The following NBAS variants were observed in gnomAD, a reference collection of about 807,000 sequenced individuals.
NBAS encodes the protein NAG/BC035112 fusion.
Under a neutral mutation model 302.5 loss-of-function variants are expected in NBAS, and 219 were observed. That is an observed-to-expected ratio of 0.72 (90% CI 0.65 to 0.81). The LOEUF (loss-of-function observed/expected upper bound fraction) is 0.81, where lower values mean the gene tolerates loss of function less well. Among genes scored for constraint, NBAS ranks in the 30% least tolerant of loss-of-function variants. The probability of loss-of-function intolerance (pLI) is 0.00; values close to 1 mark genes in which losing one functional copy is unlikely to be tolerated. For missense variants in NBAS, 2,932 were observed against 2,841.6 expected, an observed-to-expected ratio of 1.03 and a Z score of -0.72; for synonymous variants, 1,118 against 1,021.6, an observed-to-expected ratio of 1.09 and a Z score of -1.80.
chr2:15,316,671 G>A (rs1009018004), intron 38 of NBAS, among the ~76,000 whole-genome samples: 2 of 152,234 alleles, frequency 1.3e-5, no homozygotes, highest in Non-Finnish European at 2.9e-5. Context: ...CTGGCTGGGG[G>A]AGGGGTGTCG....
At chr2:15,124,844 A>G in the NBAS span, among the ~76,000 whole-genome samples, 20,706 of 152,102 alleles carry the variant, frequency 0.14, 2,651 homozygotes, top group African/African-American at 0.32. Flanking sequence ...CTAGATTTCA[A>G]AGGACGTATC....
At chr2:15,534,482 T>C in intron 9 of NBAS, 61 bp downstream of exon 9, 1 of 1,198,128 alleles carries the variant, frequency 8.3e-7, no homozygotes, top group East Asian at 2.3e-5. Flanking sequence ...TAGTTTCTTC[T>C]ATCTGAATCT....
At chr2:14,810,099 A>T in the NBAS span, among the ~76,000 whole-genome samples, 8 of 152,222 alleles carry the variant, frequency 5.3e-5, no homozygotes, top group African/African-American at 1.9e-4. Flanking sequence ...ATAGGCTCAT[A>T]GGCAGAAGAG....
the NBAS span, among the ~76,000 whole-genome samples, chr2:14,870,063 T>C: frequency 1.2e-3 from 177 of 152,316 alleles, no homozygotes; most frequent in African/African-American, 4.1e-3. Flanking sequence ...TTTTCAAACA[T>C]TGGTCAACAG....
chr2:14,845,755 T>C, the NBAS span, among the ~76,000 whole-genome samples: 1 of 152,154 alleles, frequency 6.6e-6, no homozygotes. Context: ...AGTTAGAACA[T>C]ACAATTCACA....
At chr2:15,212,903 G>A (rs1022055862) in intron 48 of NBAS, among the ~76,000 whole-genome samples, 2 of 152,120 alleles carry the variant, frequency 1.3e-5, no homozygotes, top group Non-Finnish European at 2.9e-5. Flanking sequence ...CCAGTTGCGG[G>A]CAGCTCTTTA....
At chr2:14,849,039 G>A in the NBAS span, among the ~76,000 whole-genome samples, 8 of 151,260 alleles carry the variant, frequency 5.3e-5, no homozygotes, top group East Asian at 1.9e-4. Flanking sequence ...CCAAAGGAAC[G>A]CAGTTCCTCA....
At chr2:14,885,008 G>A in the NBAS span, among the ~76,000 whole-genome samples, 111 of 152,308 alleles carry the variant, frequency 7.3e-4, no homozygotes, top group African/African-American at 2.7e-3. Context: ...GGCCAGAGAA[G>A]AGGCTGAGTC....
At chr2:15,074,063 A>G in the NBAS span, among the ~76,000 whole-genome samples, 1 of 152,206 alleles carries the variant, frequency 6.6e-6, no homozygotes, top group East Asian at 1.9e-4. Context: ...AAAATATGTT[A>G]TAAAGTTACA....
chr2:15,457,513 G>A (rs1301047462), intron 21 of NBAS, among the ~76,000 whole-genome samples: 1 of 152,196 alleles, frequency 6.6e-6, no homozygotes, highest in Non-Finnish European at 1.5e-5. Flanking sequence ...TACTTATTTA[G>A]GGTATGTTTA....
chr2:15,034,298 AAG>A, the NBAS span, among the ~76,000 whole-genome samples: 1 of 132,784 alleles, frequency 7.5e-6, no homozygotes, highest in South Asian at 2.5e-4. Flanking sequence ...GAAAGAAAGA[AAG>A]AAAGATGGAG....
At chr2:15,095,355 C>T in the NBAS span, among the ~76,000 whole-genome samples, 2 of 152,286 alleles carry the variant, frequency 1.3e-5, no homozygotes, top group South Asian at 2.1e-4. Context: ...AGGAGAAAGG[C>T]AGGCTTTACA....
intron 9 of NBAS, among the ~76,000 whole-genome samples, chr2:15,531,220 A>G (rs930728559): frequency 6.6e-6 from 1 of 152,200 alleles, no homozygotes; most frequent in South Asian, 2.1e-4. Flanking sequence ...CCAAGAAAGA[A>G]AAAAACAAAT....
intron 40 of NBAS, among the ~76,000 whole-genome samples, chr2:15,295,124 C>T (rs1670488439): frequency 6.6e-6 from 1 of 152,224 alleles, no homozygotes; most frequent in African/African-American, 2.4e-5. Flanking sequence ...GAGTGGCCTA[C>T]ACTTCTCATT....
chr2:15,308,718 G>C (rs185504171), intron 39 of NBAS, among the ~76,000 whole-genome samples: 181 of 152,286 alleles, frequency 1.2e-3, no homozygotes, highest in Admixed American at 2.3e-3. Flanking sequence ...TGGTGAGAGA[G>C]GGCATCCCTG....
At chr2:14,904,232 A>G in the NBAS span, among the ~76,000 whole-genome samples, 4 of 152,236 alleles carry the variant, frequency 2.6e-5, no homozygotes, top group Non-Finnish European at 1.5e-5. Context: ...TCACGAGGTG[A>G]AGTCCTACCA....
the NBAS span, among the ~76,000 whole-genome samples, chr2:15,080,322 AG>A: frequency 6.6e-6 from 1 of 152,242 alleles, no homozygotes; most frequent in Non-Finnish European, 1.5e-5. Context: ...GAAGAAGACA[AG>A]GTCTCAGTCC....
the NBAS span, among the ~76,000 whole-genome samples, chr2:14,877,810 A>G: frequency 1.3e-5 from 2 of 152,178 alleles, no homozygotes; most frequent in East Asian, 3.9e-4. Context: ...CTTGGCCTCC[A>G]GCCGCAAGAT....
In NBAS at chr2:15,475,681, C is replaced by T. The variant is rs766266318; in HGVS notation, c.1341+6G>A. The T allele has an allele frequency of 2.5e-6, 4 of 1,613,564 alleles. No individual in the cohort carries two copies. The highest frequency in any genetic ancestry group is 3.3e-5 in the Admixed American group (2 of 59,996). ...CTATTCTCAAACAAACAGGAAAAAG[C>T]CTTACCTCCAAACTTAAAAATCCCC... is the stretch of plus-strand genomic sequence containing the variant. On this transcript the variant is annotated splice_donor_region_variant and intron_variant, in intron 14 of 51. Coordinates refer to ENST00000281513, the MANE Select transcript of NBAS (RefSeq NM_015909.4).
Sources: allele counts gnomAD v4.1 joint callset (sites outside exome capture counted in the v4.1 genomes callset), GRCh38; gene constraint gnomAD v4.1.1; transcripts MANE v1.5; gene names NCBI Gene and HGNC (gene_info 2026-07-23, HGNC 2026-07-21).